NRG3: variants seen among roughly 807,000 people sequenced by gnomAD.
NRG3 encodes the protein pro-neuregulin-3, membrane-bound isoform.
NRG3 carries 31 observed loss-of-function variants against 66.9 expected under a neutral mutation model. That is an observed-to-expected ratio of 0.46 (90% CI 0.35 to 0.63). The LOEUF (loss-of-function observed/expected upper bound fraction) is 0.63. NRG3 is among the 20% of genes least tolerant of loss of function. NRG3 has a pLI of 0.00. For synonymous variants in NRG3, 393 were observed against 359.4 expected (o/e 1.09, Z -1.06); for missense variants, 910 against 878.9 (o/e 1.04, Z -0.45).
chr10:82,467,595 A>C (rs1274925889), intron 2 of NRG3, among the ~76,000 whole-genome samples: 3 of 152,144 alleles, frequency 2.0e-5, no homozygotes, highest in African/African-American at 7.2e-5. Flanking sequence ...GTGAATCCAC[A>C]CCAAGGGGCC....
At chr10:82,924,086 CAAAAA>C (rs3075657) in intron 4 of NRG3, among the ~76,000 whole-genome samples, 3 of 69,292 alleles carry the variant, frequency 4.3e-5, no homozygotes, top group African/African-American at 1.1e-4. Flanking sequence ...GAGACTGTCT[CAAAAA>C]AAAAAAAAAA....
At chr10:82,968,658 A>AGGTT (rs1236744736) in intron 6 of NRG3, among the ~76,000 whole-genome samples, 3 of 137,136 alleles carry the variant, frequency 2.2e-5, no homozygotes, top group African/African-American at 7.6e-5. Context: ...GGAGGAAGGG[A>AGGTT]GGCAGGGAGG....
At chr10:82,761,960 C>CT (rs769844321) in intron 3 of NRG3, among the ~76,000 whole-genome samples, 1 of 116,536 alleles carries the variant, frequency 8.6e-6, no homozygotes, top group Admixed American at 8.9e-5. Context: ...TTCTTTCTTT[C>CT]TTTCTTTCTT....
At chr10:82,326,603 T>C (rs777246474) in intron 1 of NRG3, among the ~76,000 whole-genome samples, 6 of 152,168 alleles carry the variant, frequency 3.9e-5, no homozygotes, top group Non-Finnish European at 5.9e-5. Context: ...AACTTCCTAT[T>C]TTTGATAGTT....
chr10:82,350,568 A>G (rs2135504728), intron 1 of NRG3, among the ~76,000 whole-genome samples: 1 of 152,354 alleles, frequency 6.6e-6, no homozygotes, highest in South Asian at 2.1e-4. Flanking sequence ...AAACTTCAGT[A>G]TGTGCTTACA....
At chr10:82,507,001 T>C (rs1407960050) in intron 2 of NRG3, among the ~76,000 whole-genome samples, 2 of 152,232 alleles carry the variant, frequency 1.3e-5, no homozygotes, top group Non-Finnish European at 2.9e-5. Context: ...AGGTAAGATA[T>C]GCTGTAAGGA....
At chr10:82,591,204 C>T (rs1003048343) in intron 2 of NRG3, among the ~76,000 whole-genome samples, 2 of 152,164 alleles carry the variant, frequency 1.3e-5, no homozygotes, top group Non-Finnish European at 2.9e-5. Flanking sequence ...ATTAATGTCC[C>T]AACCTATTCA....
chr10:81,911,744 C>CAT (rs1433386324), intron 1 of NRG3, among the ~76,000 whole-genome samples: 1 of 150,984 alleles, frequency 6.6e-6, no homozygotes, highest in African/African-American at 2.4e-5. Context: ...CACACACACA[C>CAT]ACCCCAAACC....
chr10:82,841,848 G>A (rs2063069566), intron 3 of NRG3, among the ~76,000 whole-genome samples: 1 of 152,180 alleles, frequency 6.6e-6, no homozygotes, highest in African/African-American at 2.4e-5. Context: ...CAACATTTTT[G>A]CTACTTGACC....
intron 1 of NRG3, among the ~76,000 whole-genome samples, chr10:82,349,218 G>C (rs1024617371): frequency 6.6e-6 from 1 of 150,934 alleles, no homozygotes; most frequent in Non-Finnish European, 1.5e-5. Flanking sequence ...GGTCTTTGAT[G>C]ATGGTGATGT....
At chr10:82,520,711 C>T (rs895842427) in intron 2 of NRG3, among the ~76,000 whole-genome samples, 2 of 152,132 alleles carry the variant, frequency 1.3e-5, no homozygotes, top group African/African-American at 4.8e-5. Context: ...TTATTCTTCT[C>T]AAAATATATT....
chr10:82,357,579 G>A (rs1250306336), intron 1 of NRG3, among the ~76,000 whole-genome samples: 1 of 152,202 alleles, frequency 6.6e-6, no homozygotes, highest in African/African-American at 2.4e-5. Context: ...CCCTGAGGCA[G>A]TGCAGGGCAT....
At chr10:82,953,973 A>G (rs554664609) in intron 5 of NRG3, among the ~76,000 whole-genome samples, 2 of 151,558 alleles carry the variant, frequency 1.3e-5, no homozygotes, top group East Asian at 3.9e-4. Flanking sequence ...AAAAAAAACA[A>G]TGCAATCACA....
At chr10:81,922,110 T>G (rs1201692783) in intron 1 of NRG3, among the ~76,000 whole-genome samples, 4 of 152,168 alleles carry the variant, frequency 2.6e-5, no homozygotes, top group Admixed American at 2.6e-4. Context: ...ACATTTTAAA[T>G]TAGGAATCAA....
At chr10:81,919,047 C>T (rs1408370139) in intron 1 of NRG3, among the ~76,000 whole-genome samples, 1 of 151,856 alleles carries the variant, frequency 6.6e-6, no homozygotes, top group East Asian at 1.9e-4. Context: ...CTATATAGCC[C>T]TCCTGTTTCC....
chr10:82,920,803 G>A (rs1156287859), intron 4 of NRG3, among the ~76,000 whole-genome samples: 1 of 152,092 alleles, frequency 6.6e-6, no homozygotes, highest in African/African-American at 2.4e-5. Flanking sequence ...GGAACAATTT[G>A]AGCAACAAAA....
At chr10:82,624,167 T>G (rs1359413420) in intron 2 of NRG3, among the ~76,000 whole-genome samples, 1 of 152,164 alleles carries the variant, frequency 6.6e-6, no homozygotes, top group Non-Finnish European at 1.5e-5. Context: ...TGAGATAATA[T>G]TCATAAAAGC....
chr10:82,323,213 T>G (rs540099024), intron 1 of NRG3, among the ~76,000 whole-genome samples: 51 of 152,320 alleles, frequency 3.3e-4, no homozygotes, highest in Non-Finnish European at 6.2e-4. Flanking sequence ...TCCAAACATG[T>G]GTACACAATT....
chr10:81,900,205 T>C (rs1015002627), intron 1 of NRG3, among the ~76,000 whole-genome samples: 1 of 151,798 alleles, frequency 6.6e-6, no homozygotes, highest in Admixed American at 6.6e-5. Context: ...CGCCTTGGCC[T>C]CCCAAAGTGT....
Sources: allele counts gnomAD v4.1 joint callset (sites outside exome capture counted in the v4.1 genomes callset), GRCh38; gene constraint gnomAD v4.1.1; transcripts MANE v1.5; gene names NCBI Gene and HGNC (gene_info 2026-07-23, HGNC 2026-07-21).